Variants in CWF19L2 observed in about 807,000 individuals in gnomAD.
CWF19L2 encodes the protein CWF19 like cell cycle control factor 2.
CWF19L2 carries 98 observed loss-of-function variants against 111.7 expected under a neutral mutation model. The observed-to-expected ratio is 0.88, with a 90% confidence interval of 0.75 to 1.04. The LOEUF is 1.04. Among genes scored for constraint, CWF19L2 ranks in the 50% least tolerant of loss-of-function variants. CWF19L2 has a pLI of 0.00. For missense variants in CWF19L2, 1,101 were observed against 1,051.4 expected (o/e 1.05, Z -0.65); for synonymous variants, 351 against 342.9 (o/e 1.02, Z -0.26).
chr11:107,444,744 T>C (rs1474881222), intron 3 of CWF19L2, among the ~76,000 whole-genome samples: 1 of 152,210 alleles, frequency 6.6e-6, no homozygotes, highest in Non-Finnish European at 1.5e-5. Flanking sequence ...CCTTGTATAG[T>C]ATTGAACTGA....
At chr11:107,409,086 C>T (rs555697985) in intron 10 of CWF19L2, among the ~76,000 whole-genome samples, 25 of 149,092 alleles carry the variant, frequency 1.7e-4, no homozygotes, top group African/African-American at 4.7e-4. Context: ...GATTGGGATG[C>T]TAAAACATTA....
At chr11:107,334,315 A>T (rs988050357) in intron 16 of CWF19L2, among the ~76,000 whole-genome samples, 2 of 152,246 alleles carry the variant, frequency 1.3e-5, no homozygotes, top group Non-Finnish European at 2.9e-5. Context: ...GACGTGCTCA[A>T]CTTAAGTGTA....
intron 10 of CWF19L2, among the ~76,000 whole-genome samples, chr11:107,395,243 T>C (rs1378026258): frequency 6.6e-6 from 1 of 152,196 alleles, no homozygotes; most frequent in Non-Finnish European, 1.5e-5. Flanking sequence ...AAGCTCTCTC[T>C]TTCCCTGCTG....
intron 1 of CWF19L2, among the ~76,000 whole-genome samples, chr11:107,457,467 G>A (rs1043162095): frequency 1.3e-5 from 2 of 151,954 alleles, no homozygotes; most frequent in African/African-American, 4.8e-5. Context: ...AACTTAAAAG[G>A]TAAAGAAACT....
chr11:107,373,122 C>T (rs1413432624), intron 12 of CWF19L2, among the ~76,000 whole-genome samples: 2 of 45,592 alleles, frequency 4.4e-5, no homozygotes, highest in Non-Finnish European at 8.3e-5. Flanking sequence ...GAGGGTCCTA[C>T]GCCCACGGAG....
chr11:107,361,800 T>C (rs764446841), intron 12 of CWF19L2, among the ~76,000 whole-genome samples: 3 of 152,182 alleles, frequency 2.0e-5, no homozygotes, highest in African/African-American at 7.2e-5. Context: ...GAAATGCTAC[T>C]GGAAGATGTT....
At chr11:107,359,725 GC>G (rs1289774576) in intron 12 of CWF19L2, among the ~76,000 whole-genome samples, 1 of 151,880 alleles carries the variant, frequency 6.6e-6, no homozygotes, top group Non-Finnish European at 1.5e-5. Flanking sequence ...TTCAAGACCA[GC>G]CTGGGCAACA....
intron 17 of CWF19L2, among the ~76,000 whole-genome samples, chr11:107,328,263 T>C (rs1225191631): frequency 6.6e-6 from 1 of 151,322 alleles, no homozygotes; most frequent in Non-Finnish European, 1.5e-5. Flanking sequence ...AAAAGAGAAA[T>C]AGGGCAAATT....
intron 8 of CWF19L2, among the ~76,000 whole-genome samples, chr11:107,422,014 T>C (rs1291677384): frequency 1.3e-5 from 2 of 152,004 alleles, no homozygotes; most frequent in Non-Finnish European, 2.9e-5. Flanking sequence ...ACCAATAGTA[T>C]ATTACCCATC....
chr11:107,443,561 A>C (rs948446720), intron 3 of CWF19L2, among the ~76,000 whole-genome samples: 3 of 152,162 alleles, frequency 2.0e-5, no homozygotes, highest in Admixed American at 2.0e-4. Flanking sequence ...AATTATTTTT[A>C]TTTTCTCATC....
intron 4 of CWF19L2, among the ~76,000 whole-genome samples, chr11:107,441,971 C>T (rs1433127246): frequency 6.6e-6 from 1 of 152,182 alleles, no homozygotes; most frequent in Non-Finnish European, 1.5e-5. Context: ...GGACAAATTA[C>T]ATTCTTCCTG....
chr11:107,337,467 TGAGTGGTCCAG>T (rs1237857297), intron 14 of CWF19L2, among the ~76,000 whole-genome samples: 1 of 151,940 alleles, frequency 6.6e-6, no homozygotes, highest in Non-Finnish European at 1.5e-5. Flanking sequence ...TGAATAGAGC[TGAGTGGTCCAG>T]GATGTCTGCA....
In CWF19L2 at chr11:107,370,513, T is replaced by C. The variant is rs892098824; in HGVS notation, c.1873-16777A>G. Among the ~76,000 whole-genome samples the C allele has an allele frequency of 1.6e-5, 2 of 125,662 alleles. 1 individual carries two copies. The highest frequency in any genetic ancestry group is 6.8e-5 in the African/African-American group (2 of 29,500). 82.4% of individuals were successfully genotyped at this position (125,662 alleles called of 152,430 possible). A position where few individuals can be genotyped will look rare whatever the true frequency, so the allele number is the denominator to read the frequency against. On this transcript the variant is annotated intron_variant, in intron 12 of 17. Coordinates refer to ENST00000282251, the MANE Select transcript of CWF19L2 (RefSeq NM_152434.3). The stretch of plus-strand genomic sequence containing the variant: ...GAGAGAGAAGTTTATGGCACAAGAA[T>C]GAGTCATTCTTTCATAAGTGATTGT...
chr11:107,424,767 A>G (rs1383180625), intron 8 of CWF19L2, among the ~76,000 whole-genome samples: 1 of 151,966 alleles, frequency 6.6e-6, no homozygotes, highest in Admixed American at 6.6e-5. Flanking sequence ...ATAAATGACA[A>G]AAATATACAA....
chr11:107,451,388 T>A, intron 3 of CWF19L2, among the ~76,000 whole-genome samples: 1 of 152,090 alleles, frequency 6.6e-6, no homozygotes, highest in Non-Finnish European at 1.5e-5. Context: ...GATACATTCA[T>A]CTTAGAAAGT....
chr11:107,395,145 TG>T (rs1860904480), intron 10 of CWF19L2, among the ~76,000 whole-genome samples: 1 of 152,036 alleles, frequency 6.6e-6, no homozygotes, highest in Non-Finnish European at 1.5e-5. Context: ...GACTGAATCA[TG>T]GGGGCAGGTC....
At chr11:107,417,086 A>AT (rs1300493376) in intron 9 of CWF19L2, among the ~76,000 whole-genome samples, 1 of 152,208 alleles carries the variant, frequency 6.6e-6, no homozygotes, top group Non-Finnish European at 1.5e-5. Context: ...TAACACAGAA[A>AT]TATCTTGTTT....
At chr11:107,365,129 A>G (rs1032545175) in intron 12 of CWF19L2, among the ~76,000 whole-genome samples, 15 of 140,018 alleles carry the variant, frequency 1.1e-4, no homozygotes, top group Non-Finnish European at 1.5e-4. Flanking sequence ...ACCAGGAAGA[A>G]GTTGAATCTC....
rs140399961 is a variant in CWF19L2, at chr11:107,341,312, G to C, written c.2203-4599C>G. ...GGCAGTCTTTAATCTTTGATTTTGAGAGTTTTTATCATAAATGAGTAGGAA... is the reference window on the plus strand; with the variant it reads ...GGCAGTCTTTAATCTTTGATTTTGACAGTTTTTATCATAAATGAGTAGGAA... On this transcript the variant is annotated intron_variant, in intron 14 of 17. Transcript: ENST00000282251. Among the ~76,000 whole-genome samples the C allele has an allele frequency of 2.3e-3, 352 of 152,232 alleles. 13 individuals carry two copies. The East Asian group carries it at 0.058, about 25-fold the overall frequency.
Sources: allele counts gnomAD v4.1 joint callset (sites outside exome capture counted in the v4.1 genomes callset), GRCh38; gene constraint gnomAD v4.1.1; transcripts MANE v1.5; gene names NCBI Gene and HGNC (gene_info 2026-07-23, HGNC 2026-07-21).